The following GRIP1 variants were observed in gnomAD, a reference collection of about 807,000 sequenced individuals.
GRIP1 encodes glutamate receptor interacting protein 1, also known as glutamate receptor-interacting protein 1.
A neutral mutation model predicts 129.9 loss-of-function variants in GRIP1; 45 were observed. The observed-to-expected ratio is 0.35, with a 90% CI of 0.27 to 0.44. The LOEUF (loss-of-function observed/expected upper bound fraction) is 0.44. Among genes scored for constraint, GRIP1 ranks in the 20% least tolerant of loss-of-function variants. GRIP1 has a pLI of 1.00. For missense variants in GRIP1, 1,196 were observed against 1,396.8 expected, an observed-to-expected ratio of 0.86 and a Z score of 2.29; for synonymous variants, 530 against 520.8, an observed-to-expected ratio of 1.02 and a Z score of -0.24.
At chr12:66,845,177 C>CTT (rs1466374350) in intron 1 of GRIP1, among the ~76,000 whole-genome samples, 2 of 152,140 alleles carry the variant, frequency 1.3e-5, no homozygotes, top group Non-Finnish European at 2.9e-5. Flanking sequence ...AATATAGGGT[C>CTT]TGGGCATGGT....
chr12:66,501,675 C>G (rs2060397564), intron 7 of GRIP1, among the ~76,000 whole-genome samples: 1 of 152,106 alleles, frequency 6.6e-6, no homozygotes, highest in Non-Finnish European at 1.5e-5. Flanking sequence ...AGATCGCCTC[C>G]CCTGACAGAA....
intron 4 of GRIP1, among the ~76,000 whole-genome samples, chr12:66,531,382 CTTTTCTTACAGAAA>C (rs1368360005): frequency 6.8e-6 from 1 of 146,846 alleles, no homozygotes; most frequent in Non-Finnish European, 1.5e-5. Flanking sequence ...TTTAAAAAAA[CTTTTCTTACAGAAA>C]TAGCAAGTAG....
intron 1 of GRIP1, among the ~76,000 whole-genome samples, chr12:66,615,333 C>T (rs535084553): frequency 1.3e-5 from 2 of 152,014 alleles, no homozygotes; most frequent in Admixed American, 1.3e-4. Flanking sequence ...ATAGTGCAAC[C>T]CTCTTTTTTA....
At chr12:66,527,461 G>A (rs997198882) in intron 5 of GRIP1, among the ~76,000 whole-genome samples, 3 of 151,978 alleles carry the variant, frequency 2.0e-5, no homozygotes, top group African/African-American at 7.3e-5. Context: ...TCACTCATAG[G>A]TGGGAATTGA....
At chr12:66,704,953 A>G (rs921915316) in intron 1 of GRIP1, among the ~76,000 whole-genome samples, 1 of 151,896 alleles carries the variant, frequency 6.6e-6, no homozygotes, top group Non-Finnish European at 1.5e-5. Flanking sequence ...GCTTGTTCTG[A>G]CAATAGTTTG....
At chr12:66,505,393 A>G (rs2060500516) in intron 7 of GRIP1, among the ~76,000 whole-genome samples, 1 of 152,210 alleles carries the variant, frequency 6.6e-6, no homozygotes, top group Admixed American at 6.5e-5. Context: ...TGATTCTGCC[A>G]ACAACCTGCG....
intron 1 of GRIP1, among the ~76,000 whole-genome samples, chr12:67,048,840 G>T (rs2043295927): frequency 6.6e-6 from 1 of 152,210 alleles, no homozygotes; most frequent in African/African-American, 2.4e-5. Flanking sequence ...AACGTGACTT[G>T]CACCTCCTTG....
At chr12:66,911,835 T>C (rs2041034511) in intron 1 of GRIP1, among the ~76,000 whole-genome samples, 1 of 152,230 alleles carries the variant, frequency 6.6e-6, no homozygotes, top group Non-Finnish European at 1.5e-5. Flanking sequence ...CTTAGTTCAA[T>C]GCACTGAGCA....
intron 1 of GRIP1, among the ~76,000 whole-genome samples, chr12:66,684,713 T>C (rs1453075989): frequency 6.6e-6 from 1 of 151,934 alleles, no homozygotes; most frequent in African/African-American, 2.4e-5. Context: ...GGCGTGGTGG[T>C]GCACACCTGT....
chr12:67,042,166 C>G (rs1456521848), intron 1 of GRIP1, among the ~76,000 whole-genome samples: 2 of 152,200 alleles, frequency 1.3e-5, no homozygotes, highest in Non-Finnish European at 2.9e-5. Flanking sequence ...GGATGACTCT[C>G]ACCAGATGCA....
chr12:66,774,160 A>G (rs1188341261), intron 1 of GRIP1, among the ~76,000 whole-genome samples: 1 of 152,222 alleles, frequency 6.6e-6, no homozygotes. Flanking sequence ...CAGGGCCACC[A>G]TATACTCATT....
intron 1 of GRIP1, among the ~76,000 whole-genome samples, chr12:66,752,710 C>T (rs972148420): frequency 6.6e-6 from 1 of 152,110 alleles, no homozygotes; most frequent in Non-Finnish European, 1.5e-5. Context: ...TTCTGTGAAG[C>T]TGTTAGTAAA....
chr12:66,606,447 G>A (rs2064532972), intron 1 of GRIP1, among the ~76,000 whole-genome samples: 1 of 152,092 alleles, frequency 6.6e-6, no homozygotes, highest in African/African-American at 2.4e-5. Context: ...TTCATTCTGA[G>A]TTCAGTTTGA....
chr12:66,451,239 G>C (rs2058786613), intron 11 of GRIP1, among the ~76,000 whole-genome samples: 1 of 151,924 alleles, frequency 6.6e-6, no homozygotes, highest in African/African-American at 2.4e-5. Context: ...AGAAAGGGCA[G>C]GGGGAGCCAA....
intron 2 of GRIP1, among the ~76,000 whole-genome samples, chr12:66,574,238 G>A (rs569704099): frequency 5.3e-5 from 8 of 152,292 alleles, no homozygotes; most frequent in African/African-American, 1.9e-4. Flanking sequence ...TCAATTCACT[G>A]ATATTCTTTC....
intron 7 of GRIP1, among the ~76,000 whole-genome samples, chr12:66,471,272 C>A (rs2059431789): frequency 6.6e-6 from 1 of 152,198 alleles, no homozygotes; most frequent in African/African-American, 2.4e-5. Context: ...AAATGCCCTA[C>A]CACAAGGGTT....
At chr12:66,974,347 C>G (rs7302284) in intron 1 of GRIP1, among the ~76,000 whole-genome samples, 1 of 151,962 alleles carries the variant, frequency 6.6e-6, no homozygotes, top group African/African-American at 2.4e-5. Context: ...AGTACTTATA[C>G]CCATCCAACA....
chr12:66,734,407 A>C (rs1323243438), intron 1 of GRIP1, among the ~76,000 whole-genome samples: 1 of 152,184 alleles, frequency 6.6e-6, no homozygotes, highest in Non-Finnish European at 1.5e-5. Context: ...ATTGTCTGAA[A>C]TTCAGGTCTA....
intron 5 of GRIP1, among the ~76,000 whole-genome samples, chr12:66,521,655 C>T (rs926414563): frequency 2.6e-5 from 4 of 152,170 alleles, no homozygotes; most frequent in African/African-American, 9.7e-5. Flanking sequence ...ACAGTGGGTG[C>T]AGGACAGTGG....
Sources: allele counts gnomAD v4.1 joint callset (sites outside exome capture counted in the v4.1 genomes callset), GRCh38; gene constraint gnomAD v4.1.1; transcripts MANE v1.5; gene names NCBI Gene and HGNC (gene_info 2026-07-23, HGNC 2026-07-21).